CCDC82: variants seen among roughly 807,000 people sequenced by gnomAD.
CCDC82 encodes the protein coiled-coil domain containing 82, also known as coiled-coil domain-containing protein 82.
CCDC82 carries 47 observed loss-of-function variants against 60.6 expected under a neutral mutation model. The ratio of observed to expected loss-of-function variants is 0.77; its 90% confidence interval spans 0.61 to 0.99. CCDC82 has a LOEUF of 0.99. Ranked by LOEUF, CCDC82 falls within the 50% of genes least tolerant of loss-of-function variation. The probability of loss-of-function intolerance (pLI) is 0.00; values close to 1 mark genes in which losing one functional copy is unlikely to be tolerated. For missense variants in CCDC82, 588 were observed against 633.0 expected, an observed-to-expected ratio of 0.93 and a Z score of 0.76; for synonymous variants, 212 against 207.4, an observed-to-expected ratio of 1.02 and a Z score of -0.19.
chr11:96,360,817 T>C (rs1217725831), intron 8 of CCDC82, among the ~76,000 whole-genome samples: 2 of 152,228 alleles, frequency 1.3e-5, no homozygotes, highest in Non-Finnish European at 2.9e-5. Flanking sequence ...ATAGAAGTTA[T>C]ATCACAATGA....
intron 5 of CCDC82, chr11:96,382,426 A>T (rs1034834518): frequency 6.6e-6 from 1 of 151,784 alleles, no homozygotes; most frequent in Admixed American, 6.6e-5. Flanking sequence ...TTCTCATGGG[A>T]TTGGTGGTGA....
intron 5 of CCDC82, chr11:96,381,810 A>G (rs1019056221): frequency 6.6e-6 from 1 of 151,840 alleles, no homozygotes; most frequent in Non-Finnish European, 1.5e-5. Context: ...GATTTCAAGT[A>G]ATAACAATAT....
intron 5 of CCDC82, chr11:96,381,694 T>A (rs1382407252): frequency 6.6e-6 from 1 of 151,792 alleles, no homozygotes; most frequent in Non-Finnish European, 1.5e-5. Context: ...CTCTGATAGG[T>A]TTCACTGTTT....
chr11:96,377,375 C>CAT (rs573191320), intron 5 of CCDC82, among the ~76,000 whole-genome samples: 3,883 of 151,590 alleles, frequency 0.026, 114 homozygotes, highest in South Asian at 0.16. Flanking sequence ...CACACACACA[C>CAT]ACATATTATG....
chr11:96,357,913 GAGAA>G (rs1864429991), intron 9 of CCDC82: 2 of 985,304 alleles, frequency 2.0e-6, no homozygotes, highest in African/African-American at 1.7e-5. Context: ...AATAAAATGA[GAGAA>G]AGACTTAAGG....
chr11:96,354,221 C>T (rs1185942738), intron 9 of CCDC82: 4 of 152,146 alleles, frequency 2.6e-5, no homozygotes, highest in Non-Finnish European at 5.9e-5. Flanking sequence ...TTGAGGTAAG[C>T]AGTAAAGAGT....
At chr11:96,385,838 T>G (rs1040994262) in intron 3 of CCDC82, 1 of 152,100 alleles carries the variant, frequency 6.6e-6, no homozygotes, top group Non-Finnish European at 1.5e-5. Flanking sequence ...GTTCTGTGGT[T>G]GTTAGGGAAT....
intron 5 of CCDC82, among the ~76,000 whole-genome samples, chr11:96,378,305 G>A (rs932522951): frequency 4.6e-5 from 7 of 151,878 alleles, no homozygotes; most frequent in African/African-American, 1.7e-4. Context: ...CTTTTTCATA[G>A]ACTGCATAGC....
intron 9 of CCDC82, chr11:96,356,027 C>G (rs1864330038): frequency 6.6e-6 from 1 of 152,140 alleles, no homozygotes; most frequent in Non-Finnish European, 1.5e-5. Context: ...AGGATGAGGA[C>G]AGAATTCAGT....
intron 8 of CCDC82, among the ~76,000 whole-genome samples, chr11:96,359,820 CA>C (rs1241554468): frequency 2.0e-5 from 3 of 150,532 alleles, no homozygotes; most frequent in East Asian, 2.0e-4. Context: ...TTTCCCCCCC[CA>C]AAAAAAATGA....
intron 7 of CCDC82, among the ~76,000 whole-genome samples, chr11:96,367,193 G>A (rs1375162254): frequency 6.6e-6 from 1 of 152,152 alleles, no homozygotes; most frequent in Non-Finnish European, 1.5e-5. Flanking sequence ...AATAAAGTTT[G>A]TTGCATCCAT....
At chr11:96,381,502 C>T (rs1019380069) in intron 5 of CCDC82, 16 of 151,454 alleles carry the variant, frequency 1.1e-4, no homozygotes, top group African/African-American at 3.9e-4. Context: ...GGAAAGAATG[C>T]ACTCAAAGAA....
chr11:96,384,145 TA>T lies in CCDC82; in HGVS notation c.602del (p.Leu201GlnfsTer5). 1 of 1,613,698 alleles carries T rather than the reference TA, an allele frequency of 6.2e-7. No homozygotes were observed. Among genetic ancestry groups the T allele is most frequent in the Non-Finnish European group, 8.5e-7 (1 of 1,179,734 alleles). The part of the protein sequence containing the change: ...DSDESDDSDI[L>X]VRKVGVKRPR... ...GACGTTTAACACCTACTTTTCTAAC[TA>T]GGATATCGCTGTCATCACTCTCATC... is the stretch of plus-strand genomic sequence containing the variant. On this transcript the variant is annotated frameshift_variant, in exon 4 of 10. Transcript: ENST00000646818. LOFTEE classifies it high-confidence loss of function.
intron 7 of CCDC82, among the ~76,000 whole-genome samples, chr11:96,368,847 T>C (rs12575787): frequency 0.68 from 101,547 of 148,830 alleles, 34,373 homozygotes; most frequent in Middle Eastern, 0.71. Flanking sequence ...ACCTGGGCGA[T>C]GGAGAGAGAC....
At chr11:96,367,867 A>G (rs1865034122) in intron 7 of CCDC82, among the ~76,000 whole-genome samples, 1 of 144,830 alleles carries the variant, frequency 6.9e-6, no homozygotes, top group African/African-American at 2.6e-5. Flanking sequence ...TGTCACCCAG[A>G]CTGAGTGCAG....
Position 96,372,366 on chromosome 11 carries a change from G to T in CCDC82, c.1084+1009C>A, listed in dbSNP as rs146666010. Among the ~76,000 whole-genome samples the T allele has an allele frequency of 8.8e-3, 1,319 of 150,660 alleles. 18 individuals carry two copies. The highest frequency in any genetic ancestry group is 0.035 in the Admixed American group (519 of 15,026). On this transcript the variant is annotated intron_variant, in intron 6 of 9. Transcript: ENST00000646818. ...GCAAGAACTAATCACCACTGAAATC[G>T]TATTATATTTTGTTTACTCATTTAT...
intron 7 of CCDC82, among the ~76,000 whole-genome samples, chr11:96,368,499 A>G: frequency 6.6e-6 from 1 of 152,156 alleles, no homozygotes; most frequent in Non-Finnish European, 1.5e-5. Context: ...CAGCTGCATT[A>G]GCCCCTAACA....
chr11:96,357,966 G>T (rs920140396), intron 9 of CCDC82: 20 of 985,330 alleles, frequency 2.0e-5, no homozygotes, highest in Non-Finnish European at 8.4e-6. Context: ...CTGGGTGGTG[G>T]TTTGTGGTGG....
At chr11:96,364,382 T>C (rs1224560964) in intron 8 of CCDC82, 3 of 152,120 alleles carry the variant, frequency 2.0e-5, no homozygotes, top group African/African-American at 7.2e-5. Flanking sequence ...TGCTCGATAA[T>C]ACTGAGAAAT....
Sources: gnomAD v4.1 joint callset for allele counts (sites outside exome capture counted in the v4.1 genomes callset) on GRCh38, gnomAD v4.1.1 for gene constraint, MANE v1.5 for transcripts, NCBI Gene and HGNC (gene_info 2026-07-23, HGNC 2026-07-21) for gene names.